Variants in CABLES1 observed in about 807,000 individuals in gnomAD.
CABLES1 encodes Cdk5 and Abl enzyme substrate 1.
A neutral mutation model predicts 57.8 loss-of-function variants in CABLES1; 36 were observed. The observed-to-expected ratio is 0.62, with a 90% confidence interval of 0.48 to 0.82. The LOEUF is 0.82. Among genes scored for constraint, CABLES1 ranks in the 40% least tolerant of loss-of-function variants. CABLES1 has a pLI of 0.00. For synonymous variants in CABLES1, 374 were observed against 363.0 expected, an observed-to-expected ratio of 1.03 and a Z score of -0.35; for missense variants, 767 against 836.6, an observed-to-expected ratio of 0.92 and a Z score of 1.03.
intron 4 of CABLES1, among the ~76,000 whole-genome samples, chr18:23,223,651 T>C (rs1284590827): frequency 1.7e-4 from 26 of 150,218 alleles, no homozygotes; most frequent in Admixed American, 1.7e-3. Context: ...AGTGGGATGC[T>C]CTATCCTGTC....
rs2048124540 is a variant in CABLES1 at position 23,254,872 on chromosome 18, T to C, written c.1761+936T>C. Among the ~76,000 whole-genome samples the C allele has an allele frequency of 1.3e-5, 2 of 152,076 alleles. 1 individual carries two copies. The highest frequency in any genetic ancestry group is 4.1e-4 in the South Asian group (2 of 4,820). ...GGATTAGGGCATCCACATACGAATT[T>C]GGGGGGACACAAACATTCAGCCCAT... On this transcript the variant is annotated intron_variant, in intron 9 of 9. Transcript: ENST00000256925.
chr18:23,144,390 A>G (rs1447500365), intron 1 of CABLES1, among the ~76,000 whole-genome samples: 1 of 152,230 alleles, frequency 6.6e-6, no homozygotes, highest in African/African-American at 2.4e-5. Flanking sequence ...TTCATCCAGC[A>G]GTTGCTCCTG....
chr18:23,194,690 C>T, intron 3 of CABLES1, 150 bp downstream of exon 3: 1 of 611,538 alleles, frequency 1.6e-6, no homozygotes, highest in Non-Finnish European at 2.9e-6. Context: ...CGACAATTTC[C>T]ACCCCACTCA....
intron 7 of CABLES1, 109 bp downstream of exon 7, chr18:23,237,354 A>T (rs1199612432): frequency 7.7e-6 from 6 of 782,022 alleles, no homozygotes; most frequent in Non-Finnish European, 1.4e-5. Flanking sequence ...GGGGACCTTC[A>T]TGAGGAGCTC....
chr18:23,156,090 G>A (rs780697056), intron 1 of CABLES1: 2 of 996,548 alleles, frequency 2.0e-6, no homozygotes, highest in East Asian at 2.4e-5. Context: ...CAGTCCTGAT[G>A]TGGGCCAGCA....
chr18:23,177,686 T>C (rs1453203855), intron 1 of CABLES1, among the ~76,000 whole-genome samples: 1 of 152,108 alleles, frequency 6.6e-6, no homozygotes, highest in Non-Finnish European at 1.5e-5. Context: ...CCTGTTGGGC[T>C]CTGGGAAGGT....
At chr18:23,156,070 AG>A in intron 1 of CABLES1, 1 of 1,235,708 alleles carries the variant, frequency 8.1e-7, no homozygotes, top group Non-Finnish European at 1.2e-6. Context: ...AGCCTGGAAA[AG>A]CGGGATGTCA....
intron 1 of CABLES1, among the ~76,000 whole-genome samples, chr18:23,168,307 A>G (rs1388355963): frequency 6.6e-6 from 1 of 152,244 alleles, no homozygotes; most frequent in Non-Finnish European, 1.5e-5. Context: ...ATTCTGACAC[A>G]TGCAGCAACG....
At chr18:23,228,687 C>G (rs1376771485) in intron 4 of CABLES1, among the ~76,000 whole-genome samples, 4 of 149,800 alleles carry the variant, frequency 2.7e-5, no homozygotes, top group Admixed American at 6.6e-5. Flanking sequence ...CCTTTTACCC[C>G]CTCCAGTCAC....
intron 9 of CABLES1, among the ~76,000 whole-genome samples, chr18:23,256,046 T>C (rs1015050081): frequency 3.9e-5 from 6 of 152,184 alleles, no homozygotes; most frequent in Non-Finnish European, 7.3e-5. Flanking sequence ...TCCTCACTAT[T>C]GATGCAGAAT....
intron 1 of CABLES1, among the ~76,000 whole-genome samples, chr18:23,157,049 TAACCATG>T (rs1437643640): frequency 2.0e-5 from 3 of 152,160 alleles, no homozygotes; most frequent in Non-Finnish European, 4.4e-5. Context: ...GTCAGCGAAA[TAACCATG>T]AAAGTGCCAT....
At chr18:23,199,184 T>C (rs907829555) in intron 3 of CABLES1, among the ~76,000 whole-genome samples, 1 of 152,236 alleles carries the variant, frequency 6.6e-6, no homozygotes, top group African/African-American at 2.4e-5. Context: ...AAAGTCTAGA[T>C]GAACTCGATT....
rs2046818797 is a variant in CABLES1 at position 23,136,155 on chromosome 18, G to C, written c.393G>C (p.Gly131=). 8.3e-7 allele frequency: 1 copy of C among 1,211,652 alleles called. No homozygotes were observed. 75.1% of individuals were successfully genotyped at this position (1,211,652 alleles called of 1,614,324 possible). Residue 131 remains glycine, a synonymous_variant, in exon 1 of 10, where the codon GGG becomes GGC. Coordinates refer to ENST00000256925, the MANE Select transcript of CABLES1 (RefSeq NM_001100619.3). ...ALAAPGTPAA[G]LAAGSGPCLP... The stretch of plus-strand genomic sequence containing the variant: ...CCGCGCCGGGCACGCCGGCTGCGGG[G>C]TTAGCCGCTGGGTCCGGCCCCTGCC...
At chr18:23,151,876 G>A (rs2046933108) in intron 1 of CABLES1, among the ~76,000 whole-genome samples, 1 of 152,200 alleles carries the variant, frequency 6.6e-6, no homozygotes, top group South Asian at 2.1e-4. Context: ...TGCTGATGCT[G>A]TGGGCCAGGC....
chr18:23,166,187 G>T (rs1346214259), intron 1 of CABLES1, among the ~76,000 whole-genome samples: 1 of 151,432 alleles, frequency 6.6e-6, no homozygotes, highest in Non-Finnish European at 1.5e-5. Flanking sequence ...ATATCTCTAT[G>T]TATAATATGA....
In CABLES1 at chr18:23,253,849, C is replaced by A; in HGVS notation, c.1674C>A (p.Asn558Lys). 1 of 1,614,222 alleles carries A rather than the reference C, an allele frequency of 6.2e-7. No homozygotes were observed. The highest frequency in any genetic ancestry group is 8.5e-7 in the Non-Finnish European group (1 of 1,180,036). ...TCAAGGGGAAACTCAACAAACAGAACCGGAAGCTGTGTGCTGGGGCATGTG... is the reference window on the plus strand; with the variant it reads ...TCAAGGGGAAACTCAACAAACAGAAACGGAAGCTGTGTGCTGGGGCATGTG... Reference protein sequence around the residue: ...LALKGKLNKQNRKLCAGACVL... With the variant: ...LALKGKLNKQKRKLCAGACVL... The change falls in exon 9 of 10, where the codon AAC (asparagine) becomes AAA (lysine). Residue 558 changes from asparagine (N) to lysine (K), a missense_variant. This residue lies in a region of CABLES1 where 529 missense variants were observed against 622.8 expected (regional missense o/e 0.85). Transcript: ENST00000256925.
At chr18:23,193,234 C>T (rs1190306464) in intron 2 of CABLES1, among the ~76,000 whole-genome samples, 1 of 150,298 alleles carries the variant, frequency 6.7e-6, no homozygotes, top group Non-Finnish European at 1.5e-5. Flanking sequence ...CTCTGTCACC[C>T]AGGCTGGAGC....
intron 1 of CABLES1, among the ~76,000 whole-genome samples, chr18:23,150,938 G>A (rs2046925345): frequency 1.3e-5 from 2 of 152,060 alleles, no homozygotes; most frequent in Admixed American, 6.6e-5. Flanking sequence ...CCTGAGAATC[G>A]GGCGGATGCC....
intron 1 of CABLES1, among the ~76,000 whole-genome samples, chr18:23,177,356 G>A (rs966348660): frequency 2.0e-5 from 3 of 151,460 alleles, no homozygotes; most frequent in East Asian, 3.9e-4. Flanking sequence ...TGAAGTGTTC[G>A]TAGCCCTGTA....
Sources: gnomAD v4.1 joint callset for allele counts (sites outside exome capture counted in the v4.1 genomes callset) on GRCh38, gnomAD v4.1.1 for gene constraint, gnomAD v4.1.1 regional missense constraint, MANE v1.5 for transcripts, NCBI Gene and HGNC (gene_info 2026-07-23, HGNC 2026-07-21) for gene names.